Variants in TAAR1 observed in about 807,000 individuals in gnomAD.
TAAR1 encodes the protein trace amine associated receptor 1, also known as trace amine-associated receptor 1.
A neutral mutation model predicts 1.2 loss-of-function variants in TAAR1; 1 was observed. The observed-to-expected ratio is 0.81, with a 90% CI of 0.29 to 3.86. The LOEUF (loss-of-function observed/expected upper bound fraction) is 3.86, where lower values mean the gene tolerates loss of function less well. TAAR1 is among the 30% of genes most tolerant of loss of function. The pLI is 0.18. For missense variants in TAAR1, 445 were observed against 405.6 expected, an observed-to-expected ratio of 1.10 and a Z score of -0.83; for synonymous variants, 153 against 132.2, an observed-to-expected ratio of 1.16 and a Z score of -1.08.
chr6:132,645,953 G>A lies in TAAR1; in HGVS notation c.51C>T (p.Asn17=), dbSNP rs199993357. 41 of 1,609,742 alleles carry A rather than the reference G, an allele frequency of 2.5e-5. No homozygotes were observed. The highest frequency in any genetic ancestry group is 3.0e-5 in the Non-Finnish European group (35 of 1,177,300). The part of the protein sequence containing the change: ...NIINISCVKN[N]WSNDVRASLY... ...GGGAAGCACGGACATCATTTGACCAGTTGTTTTTCACACAGGAAATATTAA... is the reference window on the plus strand; with the variant it reads ...GGGAAGCACGGACATCATTTGACCAATTGTTTTTCACACAGGAAATATTAA... The change falls in exon 2 of 2, where the codon AAC becomes AAT. Residue 17 remains asparagine (N), a synonymous_variant. Transcript: ENST00000275216.
chr6:132,648,008 A>T (rs1403269590), intron 1 of TAAR1, among the ~76,000 whole-genome samples: 2 of 152,162 alleles, frequency 1.3e-5, no homozygotes, highest in Admixed American at 6.5e-5. Context: ...AGATTTATTT[A>T]AAAAGACACA....
intron 1 of TAAR1, among the ~76,000 whole-genome samples, chr6:132,656,842 G>A (rs1040331939): frequency 6.6e-6 from 1 of 152,238 alleles, no homozygotes; most frequent in Admixed American, 6.5e-5. Flanking sequence ...AATCCTATAT[G>A]CAGTCAAAAG....
At chr6:132,654,498 C>A (rs2114287386) in intron 1 of TAAR1, among the ~76,000 whole-genome samples, 1 of 152,298 alleles carries the variant, frequency 6.6e-6, no homozygotes, top group African/African-American at 2.4e-5. Context: ...TTTACAGGAA[C>A]AAATATAGGC....
rs140267134 is a variant in TAAR1, at chr6:132,649,992, T to C, written c.-126-3863A>G. On this transcript the variant is annotated intron_variant, in intron 1 of 1. Coordinates refer to ENST00000275216, the MANE Select transcript of TAAR1 (RefSeq NM_138327.4). ...TTAGCAATTTTATTGTCCACCTAAA[T>C]GATCCTTCCAATAATGGACTCTTAG... is the stretch of plus-strand genomic sequence containing the variant. 6.9e-3 allele frequency among the ~76,000 whole-genome samples: 1,053 copies of C among 152,302 alleles called. 15 individuals carry two copies. The highest frequency in any genetic ancestry group is 0.024 in the African/African-American group (985 of 41,558).
At position 132,645,656 on chromosome 6, in the gene TAAR1, G is replaced by T; in HGVS notation, c.348C>A (p.Phe116Leu). 1 of 1,613,594 alleles carries T rather than the reference G, an allele frequency of 6.2e-7. No homozygotes were observed. Among genetic ancestry groups the T allele is most frequent in the Middle Eastern group, 1.6e-4 (1 of 6,062 alleles). The stretch of plus-strand genomic sequence containing the variant: ...CAGCATAGTAGCGGTCAATGGAGAT[G>T]AAAGACAAATGGAAAATGGAGGCTG... ...LSSASIFHLSFISIDRYYAVC... is the reference protein window; with the variant it reads ...LSSASIFHLSLISIDRYYAVC... Residue 116 changes from phenylalanine (F) to leucine (L), a missense_variant, in exon 2 of 2, where the codon TTC (phenylalanine) becomes TTA (leucine). Coordinates refer to ENST00000275216, the MANE Select transcript of TAAR1 (RefSeq NM_138327.4).
At chr6:132,652,946 A>C (rs1388006270) in intron 1 of TAAR1, among the ~76,000 whole-genome samples, 3 of 151,972 alleles carry the variant, frequency 2.0e-5, no homozygotes, top group Admixed American at 2.0e-4. Context: ...AGAGTCCCCC[A>C]AAAGAGGCAA....
At chr6:132,650,447 A>C (rs1777737707) in intron 1 of TAAR1, among the ~76,000 whole-genome samples, 1 of 152,206 alleles carries the variant, frequency 6.6e-6, no homozygotes, top group Non-Finnish European at 1.5e-5. Context: ...CCTTCTTTTA[A>C]ATTCGTAACA....
rs6149815 is a variant in TAAR1 at position 132,655,376 on chromosome 6, CTT to C, written c.-127+3752_-127+3753del. 7.0e-3 allele frequency among the ~76,000 whole-genome samples: 934 copies of C among 133,278 alleles called. 5 individuals carry two copies. Among genetic ancestry groups the C allele is most frequent in the Non-Finnish European group, 9.3e-3 (594 of 63,688 alleles). 87.4% of individuals were successfully genotyped at this position (133,278 alleles called of 152,430 possible). A position where few individuals can be genotyped will look rare whatever the true frequency, so the allele number is the denominator to read the frequency against. ...ACAAAGAAATACAAATTCATTCATTCTTTTTTTTTTTTTTTTTTTTTGAAACA... is the reference window on the plus strand; with the variant it reads ...ACAAAGAAATACAAATTCATTCATTCTTTTTTTTTTTTTTTTTTTGAAACA... On this transcript the variant is annotated intron_variant, in intron 1 of 1. Coordinates refer to ENST00000275216, the MANE Select transcript of TAAR1 (RefSeq NM_138327.4).
intron 1 of TAAR1, among the ~76,000 whole-genome samples, chr6:132,655,553 C>T (rs559554807): frequency 2.6e-5 from 4 of 151,956 alleles, no homozygotes; most frequent in Non-Finnish European, 4.4e-5. Flanking sequence ...TTTCAAGTTG[C>T]CCAGACTGGT....
Position 132,645,208 on chromosome 6 carries a change from G to C in TAAR1, c.796C>G (p.Pro266Ala), listed in dbSNP as rs778737689. 4.3e-6 allele frequency: 7 copies of C among 1,613,260 alleles called. No homozygotes were observed. Among genetic ancestry groups the C allele is most frequent in the South Asian group, 2.2e-5 (2 of 91,026 alleles). ...VMGVFLICWC[P>A]FFICTVMDPF... ...TCCATGACTGTACAGATAAAGAAAG[G>C]GCACCAGCATATTAGGAAAACTCCC... The change falls in exon 2 of 2, where the codon CCT (proline) becomes GCT (alanine). Residue 266 changes from proline (P) to alanine (A), a missense_variant. Pro to Ala is a conservative substitution (Grantham distance 27, BLOSUM62 -1). Transcript: ENST00000275216.
At chr6:132,647,574 AAGG>A (rs1222744504) in intron 1 of TAAR1, among the ~76,000 whole-genome samples, 1 of 149,176 alleles carries the variant, frequency 6.7e-6, no homozygotes, top group Non-Finnish European at 1.5e-5. Context: ...GGAAGGAAGG[AAGG>A]AGAAAGGAAA....
intron 1 of TAAR1, among the ~76,000 whole-genome samples, chr6:132,650,634 G>A (rs1777739741): frequency 6.6e-6 from 1 of 152,118 alleles, no homozygotes; most frequent in African/African-American, 2.4e-5. Flanking sequence ...GCAATCAGAA[G>A]AGAATGTCCA....
chr6:132,649,308 C>T (rs971654355), intron 1 of TAAR1, among the ~76,000 whole-genome samples: 2 of 152,150 alleles, frequency 1.3e-5, no homozygotes, highest in Non-Finnish European at 2.9e-5. Context: ...ACCTTCTCCC[C>T]TGCAACCTTG....
Position 132,645,541 on chromosome 6 carries a change from C to CA in TAAR1, c.462dup (p.Ala155CysfsTer15), listed in dbSNP as rs1415792007. 1.9e-6 allele frequency: 3 copies of CA among 1,613,476 alleles called. No individual in the cohort carries two copies. The African/African-American group carries it at 4.0e-5, about 22-fold the overall frequency. On this transcript the variant is annotated frameshift_variant, in exon 2 of 2. Transcript: ENST00000275216. LOFTEE classifies it low-confidence loss of function (END_TRUNC). ...AGCTCCAGAAAGATCATTCCAAATG[C>CA]AAAAACAGCAGGGACACTCCAACTA... is the stretch of plus-strand genomic sequence containing the variant.
chr6:132,647,030 C>T (rs1203165643), intron 1 of TAAR1, among the ~76,000 whole-genome samples: 1 of 152,072 alleles, frequency 6.6e-6, no homozygotes, highest in Non-Finnish European at 1.5e-5. Flanking sequence ...TTTTGATATA[C>T]AGACTAAAGT....
At position 132,644,976 on chromosome 6, in the gene TAAR1, T is replaced by C. The variant is rs1478118616; in HGVS notation, c.*8A>G. The C allele has an allele frequency of 6.5e-6, 10 of 1,530,174 alleles. No individual in the cohort carries two copies. The highest frequency in any genetic ancestry group is 1.3e-5 in the South Asian group (1 of 76,110). The allele number at this position is 1,530,174 out of a possible 1,614,324, so 94.8% of individuals were successfully genotyped here. A position where few individuals can be genotyped will look rare whatever the true frequency, so the allele number is the denominator to read the frequency against. ...AACCGATTTGCAAAACAGTAAAATA[T>C]AATAATTCTATGAACTCAATTCCAA... On this transcript the variant is annotated 3_prime_UTR_variant, in exon 2 of 2. Transcript: ENST00000275216.
chr6:132,647,660 GA>G (rs1161172846), intron 1 of TAAR1, among the ~76,000 whole-genome samples: 3 of 146,324 alleles, frequency 2.1e-5, no homozygotes, highest in Non-Finnish European at 4.5e-5. Flanking sequence ...AAGAAAGAAA[GA>G]AAGAAAGAAA....
At chr6:132,655,229 G>T (rs1331882310) in intron 1 of TAAR1, among the ~76,000 whole-genome samples, 2 of 152,022 alleles carry the variant, frequency 1.3e-5, no homozygotes, top group Non-Finnish European at 2.9e-5. Context: ...GAAACCAAAA[G>T]AAATGATACA....
chr6:132,657,124 CAT>C (rs1562205374), intron 1 of TAAR1, among the ~76,000 whole-genome samples: 7 of 152,078 alleles, frequency 4.6e-5, no homozygotes, highest in African/African-American at 1.4e-4. Flanking sequence ...AAACACTTAA[CAT>C]TGGCCTGAAA....
Sources: allele counts gnomAD v4.1 joint callset (sites outside exome capture counted in the v4.1 genomes callset), GRCh38; gene constraint gnomAD v4.1.1; transcripts MANE v1.5; gene names NCBI Gene and HGNC (gene_info 2026-07-23, HGNC 2026-07-21).